DGKK: variants seen among roughly 807,000 people sequenced by gnomAD.
The protein encoded by DGKK is diacylglycerol kinase kappa, also known as 142 kDa diacylglycerol kinase.
A neutral mutation model predicts 92.2 loss-of-function variants in DGKK; 35 were observed. That is an observed-to-expected ratio of 0.38 (90% CI 0.29 to 0.50). The LOEUF (loss-of-function observed/expected upper bound fraction) is 0.50. Ranked by LOEUF, DGKK falls within the 20% of genes least tolerant of loss-of-function variation. DGKK has a pLI of 0.92. For synonymous variants in DGKK, 368 were observed against 360.6 expected, an observed-to-expected ratio of 1.02 and a Z score of -0.23; for missense variants, 910 against 992.2, an observed-to-expected ratio of 0.92 and a Z score of 1.11.
At chrX:50,408,287 T>G (rs1925210304) in intron 4 of DGKK, among the ~76,000 whole-genome samples, 1 of 112,605 alleles carries the variant, frequency 8.9e-6, no homozygotes, top group Admixed American at 9.3e-5. Context: ...CCCAGAGAAT[T>G]ATTCTCAGGC....
At chrX:50,407,244 G>A (rs1407130681) in intron 4 of DGKK, among the ~76,000 whole-genome samples, 1 of 111,915 alleles carries the variant, frequency 8.9e-6, no homozygotes, top group Non-Finnish European at 1.9e-5. Context: ...ATATGTGATA[G>A]GGAAGTGATA....
At chrX:50,433,852 C>A (rs1925953002) in intron 1 of DGKK, among the ~76,000 whole-genome samples, 1 of 111,011 alleles carries the variant, frequency 9.0e-6, no homozygotes, top group Non-Finnish European at 1.9e-5. Context: ...ACACAAAGTT[C>A]CTCCAAAAAG....
Position 50,379,315 on chromosome X carries a change from C to CAA in DGKK, c.2862+310_2862+311dup, listed in dbSNP as rs1214871132. 8.5e-4 allele frequency among the ~76,000 whole-genome samples: 33 copies of CAA among 38,774 alleles called. 1 individual carries two copies. Among genetic ancestry groups the CAA allele is most frequent in the African/African-American group, 2.4e-3 (26 of 10,684 alleles). 33.7% of individuals were successfully genotyped at this position (38,774 alleles called of 115,157 possible). A position where few individuals can be genotyped will look rare whatever the true frequency, so the allele number is the denominator to read the frequency against. ...TGGATGACAGAGCAAGACTCCGTTT[C>CAA]AAAAAAAAAAAAAAAAAAAAAGCAT... is the stretch of plus-strand genomic sequence containing the variant. On this transcript the variant is annotated intron_variant, in intron 20 of 27. Transcript: ENST00000611977.
chrX:50,438,624 G>T (rs1266699786), intron 1 of DGKK, among the ~76,000 whole-genome samples: 1 of 111,640 alleles, frequency 9.0e-6, no homozygotes, highest in Non-Finnish European at 1.9e-5. Context: ...AGAAACATTT[G>T]CACACAGGTA....
chrX:50,369,060 C>A (rs369793769), intron 27 of DGKK, 41 bp from the exon 28 acceptor site: 3 of 1,073,005 alleles, frequency 2.8e-6, no homozygotes, highest in Admixed American at 2.3e-5. Context: ...ATGAGGTTAG[C>A]ACAATGCCAG....
At chrX:50,390,430 G>A (rs372051042) in intron 11 of DGKK, 21 bp from the exon 12 acceptor site, 484 of 1,168,023 alleles carry the variant, frequency 4.1e-4, no homozygotes, top group Non-Finnish European at 3.4e-4. Flanking sequence ...TTTCAAAGAC[G>A]GATATTTAAG....
At chrX:50,388,820 G>C (rs1309627246) in intron 12 of DGKK, among the ~76,000 whole-genome samples, 2 of 111,922 alleles carry the variant, frequency 1.8e-5, no homozygotes, top group Non-Finnish European at 3.8e-5. Flanking sequence ...TAAAAATTTA[G>C]ATGTATTTCA....
At chrX:50,387,798 C>A in intron 13 of DGKK, 145 bp from the exon 14 acceptor site, 1 of 445,927 alleles carries the variant, frequency 2.2e-6, no homozygotes, top group South Asian at 4.1e-5. Flanking sequence ...CAGCCTTTTT[C>A]TCTCTGCTTT....
intron 8 of DGKK, among the ~76,000 whole-genome samples, chrX:50,398,221 G>C (rs1241375380): frequency 9.0e-6 from 1 of 111,582 alleles, no homozygotes; most frequent in Non-Finnish European, 1.9e-5. Context: ...AGCTCAGCCA[G>C]GGGGCATTGA....
intron 13 of DGKK, 132 bp from the exon 14 acceptor site, chrX:50,387,785 T>C: frequency 2.2e-6 from 1 of 459,886 alleles, no homozygotes; most frequent in Non-Finnish European, 3.6e-6. Flanking sequence ...CACCCTCTGC[T>C]CCCAGCCTTT....
chrX:50,464,909 G>A (rs1044607941), intron 1 of DGKK, among the ~76,000 whole-genome samples: 16 of 110,929 alleles, frequency 1.4e-4, no homozygotes, highest in African/African-American at 4.9e-4. Context: ...AAGAAACCCT[G>A]TACTCTTTAG....
intron 4 of DGKK, among the ~76,000 whole-genome samples, chrX:50,419,755 A>G (rs1925525786): frequency 1.8e-5 from 2 of 112,170 alleles, no homozygotes; most frequent in Non-Finnish European, 3.8e-5. Context: ...GGGCAGGCAG[A>G]GTGTATCTCC....
intron 1 of DGKK, among the ~76,000 whole-genome samples, chrX:50,466,010 CTTTTTTCTTTTTTT>C (rs1273695699): frequency 1.4e-4 from 8 of 58,337 alleles, no homozygotes; most frequent in African/African-American, 4.9e-4. Flanking sequence ...TTTTCTTTTT[CTTTTTTCTTTTTTT>C]TTTTTTTTTT....
intron 1 of DGKK, among the ~76,000 whole-genome samples, chrX:50,448,911 C>A (rs945557115): frequency 9.0e-6 from 1 of 111,409 alleles, no homozygotes; most frequent in Non-Finnish European, 1.9e-5. Flanking sequence ...CTGTATTCAC[C>A]CTGATAAAAT....
intron 1 of DGKK, among the ~76,000 whole-genome samples, chrX:50,459,757 T>C (rs1320246864): frequency 9.0e-6 from 1 of 111,273 alleles, no homozygotes; most frequent in Non-Finnish European, 1.9e-5. Flanking sequence ...GACAGTAATA[T>C]CCGAATTCTG....
chrX:50,375,171 G>A (rs782501338), intron 24 of DGKK, 114 bp from the exon 25 acceptor site: 13 of 505,290 alleles, frequency 2.6e-5, no homozygotes, highest in Non-Finnish European at 3.6e-5. Context: ...AGTAGGATGT[G>A]GCTATAGGTG....
chrX:50,460,930 C>T (rs1340068702), intron 1 of DGKK, among the ~76,000 whole-genome samples: 1 of 107,054 alleles, frequency 9.3e-6, no homozygotes, highest in African/African-American at 3.5e-5. Context: ...TTAAAAGTGA[C>T]TCAGAAATTT....
intron 4 of DGKK, among the ~76,000 whole-genome samples, chrX:50,418,422 T>C (rs1925490346): frequency 9.0e-6 from 1 of 111,649 alleles, no homozygotes; most frequent in Admixed American, 9.5e-5. Flanking sequence ...TAATGTGTAC[T>C]GACTAGTTTC....
At chrX:50,401,273 C>T (rs1157707428) in intron 7 of DGKK, 134 bp from the exon 8 acceptor site, 10 of 578,522 alleles carry the variant, frequency 1.7e-5, no homozygotes, top group Non-Finnish European at 2.5e-5. Flanking sequence ...TGGTGCCATA[C>T]ATATATCCCT....
Sources: gnomAD v4.1 joint callset for allele counts (sites outside exome capture counted in the v4.1 genomes callset) on GRCh38, gnomAD v4.1.1 for gene constraint, MANE v1.5 for transcripts, NCBI Gene and HGNC (gene_info 2026-07-23, HGNC 2026-07-21) for gene names.